The following MAGI2 variants were observed in gnomAD, a reference collection of about 807,000 sequenced individuals.
MAGI2 encodes the protein membrane associated guanylate kinase, WW and PDZ domain containing 2, also known as membrane-associated guanylate kinase, WW and PDZ domain-containing protein 2.
MAGI2 carries 35 observed loss-of-function variants against 133.3 expected under a neutral mutation model. The observed-to-expected ratio is 0.26, with a 90% CI of 0.20 to 0.35. The LOEUF is 0.35. Ranked by LOEUF, MAGI2 falls within the 10% of genes least tolerant of loss-of-function variation. The pLI is 1.00. For synonymous variants in MAGI2, 729 were observed against 710.6 expected (o/e 1.03, Z -0.41); for missense variants, 1,636 against 1,863.4 (o/e 0.88, Z 2.25).
chr7:79,032,504 C>A (rs1243744857), intron 1 of MAGI2, among the ~76,000 whole-genome samples: 1 of 132,064 alleles, frequency 7.6e-6, no homozygotes, highest in East Asian at 2.1e-4. Context: ...GGTGACAGAG[C>A]AAGACTCTGA....
chr7:78,788,292 T>C lies in MAGI2; in HGVS notation c.419-161053A>G, dbSNP rs534724108. 1.4e-4 allele frequency among the ~76,000 whole-genome samples: 22 copies of C among 152,336 alleles called. No individual in the cohort carries two copies. The South Asian group carries it at 4.1e-3, about 29-fold the overall frequency. ...AAAAGAATTTCTACTCTGTGAATTG[T>C]CTGTAACTGATGTATTTTTGTAGCC... On this transcript the variant is annotated intron_variant, in intron 2 of 21. Coordinates refer to ENST00000354212, the MANE Select transcript of MAGI2 (RefSeq NM_012301.4).
intron 6 of MAGI2, among the ~76,000 whole-genome samples, chr7:78,407,128 TG>T (rs748822772): frequency 1.6e-4 from 24 of 152,192 alleles, no homozygotes; most frequent in African/African-American, 5.8e-4. Flanking sequence ...AATATATTTT[TG>T]AAGTAAGTCT....
chr7:78,428,253 G>T (rs1287011659), intron 6 of MAGI2, among the ~76,000 whole-genome samples: 1 of 152,218 alleles, frequency 6.6e-6, no homozygotes, highest in South Asian at 2.1e-4. Context: ...GTGGGAGCAG[G>T]TTCTGGTACT....
In MAGI2 at chr7:78,027,380, C is replaced by A. The variant is rs1397490651; in HGVS notation, c.3707-7404G>T. Among the ~76,000 whole-genome samples the A allele has an allele frequency of 4.6e-5, 7 of 152,136 alleles. No individual in the cohort carries two copies. In the East Asian group the frequency reaches 1.4e-3, roughly 30 times the overall value. ...CGGTGGCTCACACCTGTAATCCCAG[C>A]ACTTTGGGAAGCCAAGGCGGGTGGA... On this transcript the variant is annotated intron_variant, in intron 21 of 21. Transcript: ENST00000354212.
At chr7:78,767,108 G>A (rs185088765) in intron 2 of MAGI2, among the ~76,000 whole-genome samples, 1 of 152,064 alleles carries the variant, frequency 6.6e-6, no homozygotes, top group East Asian at 1.9e-4. Context: ...TCCTGCCTCG[G>A]CCTCCCGAGT....
intron 2 of MAGI2, among the ~76,000 whole-genome samples, chr7:78,877,102 T>C (rs549799901): frequency 1.1e-4 from 17 of 152,330 alleles, no homozygotes; most frequent in African/African-American, 4.1e-4. Context: ...CTGTTAACTT[T>C]ATCAAATCTT....
chr7:78,724,552 G>T (rs751615438), intron 2 of MAGI2, among the ~76,000 whole-genome samples: 3 of 152,210 alleles, frequency 2.0e-5, no homozygotes, highest in Non-Finnish European at 4.4e-5. Flanking sequence ...AAGTATGGGC[G>T]CCCTTATTTA....
chr7:79,439,440 T>G (rs993930583), intron 1 of MAGI2, among the ~76,000 whole-genome samples: 1 of 146,980 alleles, frequency 6.8e-6, no homozygotes, highest in Non-Finnish European at 1.5e-5. Context: ...GTCTTCAGAC[T>G]CCAAGATCCA....
chr7:78,679,858 T>C (rs1226588451), intron 2 of MAGI2, among the ~76,000 whole-genome samples: 1 of 152,116 alleles, frequency 6.6e-6, no homozygotes, highest in Admixed American at 6.6e-5. Flanking sequence ...GTGTCAGTTC[T>C]CTCTACATTT....
intron 2 of MAGI2, among the ~76,000 whole-genome samples, chr7:78,727,716 AT>A (rs1377274334): frequency 6.6e-6 from 1 of 152,242 alleles, no homozygotes; most frequent in Non-Finnish European, 1.5e-5. Flanking sequence ...TTGACAGCTA[AT>A]CACATCAGGC....
chr7:78,789,257 C>G (rs1445147157), intron 2 of MAGI2, among the ~76,000 whole-genome samples: 1 of 152,076 alleles, frequency 6.6e-6, no homozygotes, highest in Non-Finnish European at 1.5e-5. Context: ...TTGAGCTACC[C>G]AATCTCACAA....
At chr7:79,236,773 C>G (rs1408946182) in intron 1 of MAGI2, among the ~76,000 whole-genome samples, 1 of 152,176 alleles carries the variant, frequency 6.6e-6, no homozygotes, top group Non-Finnish European at 1.5e-5. Flanking sequence ...AAACTTATTG[C>G]TAACATACTG....
intron 1 of MAGI2, among the ~76,000 whole-genome samples, chr7:79,048,447 GA>G (rs1349308041): frequency 6.6e-6 from 1 of 151,964 alleles, no homozygotes; most frequent in African/African-American, 2.4e-5. Context: ...TTTTAAGTCA[GA>G]AAAAAATAAA....
At chr7:78,964,593 C>T (rs912443729) in intron 2 of MAGI2, among the ~76,000 whole-genome samples, 2 of 152,066 alleles carry the variant, frequency 1.3e-5, no homozygotes, top group African/African-American at 4.8e-5. Context: ...AAGATATATA[C>T]TTCCCACCTG....
chr7:78,576,872 G>C (rs912148916), intron 3 of MAGI2, among the ~76,000 whole-genome samples: 1 of 152,124 alleles, frequency 6.6e-6, no homozygotes, highest in Non-Finnish European at 1.5e-5. Flanking sequence ...TCTGAGGCAG[G>C]CGTATTACTT....
At chr7:79,169,189 T>G (rs1160418664) in intron 1 of MAGI2, among the ~76,000 whole-genome samples, 1 of 152,010 alleles carries the variant, frequency 6.6e-6, no homozygotes, top group African/African-American at 2.4e-5. Context: ...CCTCCATAAA[T>G]GTTGGTATTC....
Position 78,560,258 on chromosome 7 carries a change from T to C in MAGI2, c.539-38613A>G, listed in dbSNP as rs571038171. Among the ~76,000 whole-genome samples the C allele has an allele frequency of 8.5e-5, 13 of 152,294 alleles. No individual in the cohort carries two copies. The East Asian group carries it at 2.1e-3, about 25-fold the overall frequency. ...TAGGACTATACATTCATTTTCAACA[T>C]GGTGAGTTTGAAGTGACAGCAGAAT... On this transcript the variant is annotated intron_variant, in intron 3 of 21. Transcript: ENST00000354212.
chr7:78,585,415 C>T (rs1210779429), intron 3 of MAGI2, among the ~76,000 whole-genome samples: 1 of 152,130 alleles, frequency 6.6e-6, no homozygotes, highest in African/African-American at 2.4e-5. Flanking sequence ...AGTGACTGTA[C>T]CCAGGAAGAA....
chr7:78,524,067 C>T (rs901467512), intron 3 of MAGI2, among the ~76,000 whole-genome samples: 3 of 151,940 alleles, frequency 2.0e-5, no homozygotes, highest in African/African-American at 7.3e-5. Flanking sequence ...AAAAAAATCC[C>T]AGGCAGGATC....
Sources: allele counts gnomAD v4.1 joint callset (sites outside exome capture counted in the v4.1 genomes callset), GRCh38; gene constraint gnomAD v4.1.1; transcripts MANE v1.5; gene names NCBI Gene and HGNC (gene_info 2026-07-23, HGNC 2026-07-21).